Variants in GLUD1 observed in about 807,000 individuals in gnomAD.
GLUD1 encodes glutamate dehydrogenase 1, mitochondrial.
GLUD1 carries 22 observed loss-of-function variants against 56.0 expected under a neutral mutation model. The ratio of observed to expected loss-of-function variants is 0.39; its 90% CI spans 0.28 to 0.56. The LOEUF (loss-of-function observed/expected upper bound fraction) is 0.56, where lower values mean the gene tolerates loss of function less well. GLUD1 is among the 20% of genes least tolerant of loss of function. The pLI, the probability that GLUD1 is intolerant of heterozygous loss-of-function variation, is 0.58. For missense variants in GLUD1, 451 were observed against 732.0 expected, an observed-to-expected ratio of 0.62 and a Z score of 4.43; for synonymous variants, 223 against 269.9, an observed-to-expected ratio of 0.83 and a Z score of 1.70.
intron 11 of GLUD1, among the ~76,000 whole-genome samples, chr10:87,055,320 A>G (rs1374453630): frequency 6.6e-6 from 1 of 152,094 alleles, no homozygotes; most frequent in Non-Finnish European, 1.5e-5. Flanking sequence ...AAGTGAGGGC[A>G]CTGGGGGGAT....
At chr10:87,058,579 A>C (rs1845848188) in intron 10 of GLUD1, among the ~76,000 whole-genome samples, 1 of 152,198 alleles carries the variant, frequency 6.6e-6, no homozygotes. Flanking sequence ...TCGACAGTGG[A>C]GTTTTAAAAT....
intron 12 of GLUD1, among the ~76,000 whole-genome samples, chr10:87,052,653 G>C (rs907785526): frequency 8.1e-6 from 1 of 123,394 alleles, no homozygotes; most frequent in African/African-American, 3.5e-5. Flanking sequence ...CTGGGCAACA[G>C]GGCAAAACTC....
At chr10:87,056,131 AAAAAAAAAAC>A (rs1346183122) in intron 11 of GLUD1, among the ~76,000 whole-genome samples, 3 of 130,652 alleles carry the variant, frequency 2.3e-5, no homozygotes, top group South Asian at 2.3e-4. Flanking sequence ...AAAAAAAAAA[AAAAAAAAAAC>A]CAAAAAAAAA....
At chr10:87,060,368 TAG>T (rs1169780441) in intron 8 of GLUD1, 127 bp from the exon 9 acceptor site, 3 of 788,366 alleles carry the variant, frequency 3.8e-6, no homozygotes, top group Non-Finnish European at 6.9e-6. Flanking sequence ...TAAAGTTAAA[TAG>T]AGGTTATTTT....
chr10:87,081,946 C>CAAAAAAAAAAA (rs71019464), intron 1 of GLUD1, among the ~76,000 whole-genome samples: 252 of 84,420 alleles, frequency 3.0e-3, no homozygotes, highest in Middle Eastern at 5.2e-3. Flanking sequence ...ATGATCAATA[C>CAAAAAAAAAAA]AAAAAAAAAA....
intron 1 of GLUD1, among the ~76,000 whole-genome samples, chr10:87,086,832 G>GAAAAA (rs367807316): frequency 1.4e-5 from 1 of 70,414 alleles, no homozygotes; most frequent in East Asian, 4.8e-4. Flanking sequence ...CCGTCTCAAA[G>GAAAAA]AAAAAAAAAA....
intron 4 of GLUD1, among the ~76,000 whole-genome samples, chr10:87,074,072 T>C (rs1287544862): frequency 6.6e-6 from 1 of 152,000 alleles, no homozygotes; most frequent in East Asian, 1.9e-4. Flanking sequence ...GACAAATACT[T>C]ACATATCATA....
rs553834078 is a variant in GLUD1 at position 87,058,751 on chromosome 10, C to T, written c.1402+399G>A. ...ATTAAAAATACAAAAATTAGCCGGG[C>T]GTGGCGGTGAGTGCCTGTAGCCCCA... On this transcript the variant is annotated intron_variant, in intron 10 of 12. Transcript: ENST00000277865. Among the ~76,000 whole-genome samples the T allele has an allele frequency of 2.2e-3, 333 of 152,206 alleles. 1 individual carries two copies. The highest frequency in any genetic ancestry group is 7.1e-3 in the African/African-American group (296 of 41,536).
chr10:87,052,826 G>C (rs1200447138), intron 12 of GLUD1, among the ~76,000 whole-genome samples: 1 of 151,784 alleles, frequency 6.6e-6, no homozygotes, highest in Non-Finnish European at 1.5e-5. Flanking sequence ...AAATTAACAA[G>C]AAAAACAACA....
chr10:87,076,464 GA>G, intron 2 of GLUD1, 111 bp downstream of exon 2: 1 of 766,228 alleles, frequency 1.3e-6, no homozygotes, highest in Non-Finnish European at 2.4e-6. Flanking sequence ...ATTACAACTT[GA>G]AAAAAAATCA....
intron 1 of GLUD1, among the ~76,000 whole-genome samples, chr10:87,079,641 G>C (rs1678526731): frequency 6.6e-6 from 1 of 152,108 alleles, no homozygotes; most frequent in South Asian, 2.1e-4. Flanking sequence ...TCCTAGGATG[G>C]GTGTCACGAC....
chr10:87,094,757 G>GGTA lies in GLUD1; in HGVS notation c.10_12dup (p.Tyr4dup), dbSNP rs1278650324. 1.9e-6 allele frequency: 3 copies of GGTA among 1,538,500 alleles called. No individual in the cohort carries two copies. In the Admixed American group the frequency reaches 5.6e-5, roughly 28 times the overall value. ...CGGGACAGCAACAGCGCTTCGCCCA[G>GGTA]GTAGCGGTACATGGCCACAAGCGGA... On this transcript the variant is annotated inframe_insertion, in exon 1 of 13. Coordinates refer to ENST00000277865, the MANE Select transcript of GLUD1 (RefSeq NM_005271.5). This position sits in a 1 kb window ranked among gnomAD's most constrained non-coding sequence, Gnocchi z 6.6.
chr10:87,064,604 ATT>A (rs1846026835), intron 5 of GLUD1, among the ~76,000 whole-genome samples: 1 of 152,168 alleles, frequency 6.6e-6, no homozygotes, highest in South Asian at 2.1e-4. Flanking sequence ...CTTTATCTGT[ATT>A]GTTTAAATAT....
intron 4 of GLUD1, among the ~76,000 whole-genome samples, chr10:87,070,269 A>T (rs761392089): frequency 2.0e-5 from 3 of 151,802 alleles, no homozygotes; most frequent in Non-Finnish European, 4.4e-5. Flanking sequence ...CCTGGGCAAC[A>T]TAGTGAGATC....
chr10:87,062,178 A>G (rs1057378067), intron 6 of GLUD1, among the ~76,000 whole-genome samples: 1 of 152,238 alleles, frequency 6.6e-6, no homozygotes, highest in African/African-American at 2.4e-5. Context: ...TTGGCCTCCC[A>G]AAGTGCTGGG....
rs1406453806 is a variant in GLUD1 at position 87,076,111 on chromosome 10, G to A, written c.527-88C>T. 9 of 905,390 alleles carry A rather than the reference G, an allele frequency of 9.9e-6. No individual in the cohort carries two copies. The East Asian group carries it at 2.2e-4, about 22-fold the overall frequency. 56.1% of individuals were successfully genotyped at this position (905,390 alleles called of 1,614,324 possible). A position where few individuals can be genotyped will look rare whatever the true frequency, so the allele number is the denominator to read the frequency against. ...GCACCACACAATATTAGAGAAACGTGATGCTTTAAGCTTGAATTTCTGAAA... is the reference window on the plus strand; with the variant it reads ...GCACCACACAATATTAGAGAAACGTAATGCTTTAAGCTTGAATTTCTGAAA... On this transcript the variant is annotated intron_variant, in intron 2 of 12. Coordinates refer to ENST00000277865, the MANE Select transcript of GLUD1 (RefSeq NM_005271.5).
rs531124423 is a variant in GLUD1, at chr10:87,057,081, C to T, written c.1494+610G>A. 1.2e-3 allele frequency among the ~76,000 whole-genome samples: 179 copies of T among 152,282 alleles called. 1 individual carries two copies. The highest frequency in any genetic ancestry group is 4.0e-3 in the African/African-American group (167 of 41,552). ...TCTCGGCTAACTGCAACCTCCACCTCCCGGGTTCAAGTGATTCTCCTGCCT... is the reference window on the plus strand; with the variant it reads ...TCTCGGCTAACTGCAACCTCCACCTTCCGGGTTCAAGTGATTCTCCTGCCT... On this transcript the variant is annotated intron_variant, in intron 11 of 12. Coordinates refer to ENST00000277865, the MANE Select transcript of GLUD1 (RefSeq NM_005271.5).
chr10:87,094,504 A>T lies in GLUD1; in HGVS notation c.266T>A (p.Leu89Gln), dbSNP rs749729943. 7 of 1,613,288 alleles carry T rather than the reference A, an allele frequency of 4.3e-6. No individual in the cohort carries two copies. In the African/African-American group the frequency reaches 9.3e-5, roughly 22 times the overall value. The change falls in exon 1 of 13, where the codon CTG (leucine) becomes CAG (glutamine). Residue 89 changes from leucine (L) to glutamine (Q), a missense_variant. Around this residue, in one of 4 missense-constraint regions of GLUD1, gnomAD observed 158 missense variants for 189.7 expected, o/e 0.83. Transcript: ENST00000277865. This position sits in a 1 kb window ranked among gnomAD's most constrained non-coding sequence, Gnocchi z 6.6. ...SIVEDKLVEDLRTRESEEQKR... is the reference protein window; with the variant it reads ...SIVEDKLVEDQRTRESEEQKR... ...CTGCTCCTCGCTCTCCCGGGTCCTC[A>T]GGTCCTCCACCAGCTTGTCCTCCAC...
At position 87,053,267 on chromosome 10, in the gene GLUD1, C is replaced by G. The variant is rs1415425515; in HGVS notation, c.1557+75G>C. On this transcript the variant is annotated intron_variant, in intron 12 of 12. Coordinates refer to ENST00000277865, the MANE Select transcript of GLUD1 (RefSeq NM_005271.5). ...GATGTTTTCTATCAGCACATACAGT[C>G]TGGCGGCTGAGATAGCATGGTTGAG... is the stretch of plus-strand genomic sequence containing the variant. 5 of 926,554 alleles carry G rather than the reference C, an allele frequency of 5.4e-6. No individual in the cohort carries two copies. The South Asian group carries it at 6.6e-5, about 12-fold the overall frequency. The allele number at this position is 926,554 out of a possible 1,614,324, so 57.4% of individuals were successfully genotyped here.
Sources: allele counts gnomAD v4.1 joint callset (sites outside exome capture counted in the v4.1 genomes callset), GRCh38; gene constraint gnomAD v4.1.1; regional missense constraint gnomAD v4.1.1; non-coding constraint Gnocchi (gnomAD v3.1); transcripts MANE v1.5; gene names NCBI Gene and HGNC (gene_info 2026-07-23, HGNC 2026-07-21).